GAMT: variants seen among roughly 807,000 people sequenced by gnomAD.
GAMT encodes the protein guanidinoacetate N-methyltransferase, also known as epididymis secretory protein Li 20.
A neutral mutation model predicts 26.9 loss-of-function variants in GAMT; 26 were observed. That is an observed-to-expected ratio of 0.97 (90% CI 0.71 to 1.34). GAMT has a LOEUF of 1.34. Among genes scored for constraint, GAMT ranks in the 40% most tolerant of loss-of-function variants. The pLI, the probability that GAMT is intolerant of heterozygous loss-of-function variation, is 0.00. For missense variants in GAMT, 412 were observed against 345.0 expected (o/e 1.19, Z -1.54); for synonymous variants, 169 against 149.6 (o/e 1.13, Z -0.95).
At chr19:1,398,636 G>T in intron 5 of GAMT, 2 of 988,776 alleles carry the variant, frequency 2.0e-6, no homozygotes, top group Non-Finnish European at 3.0e-6. Context: ...GAAAGATGAG[G>T]TCTTGCTCTG....
Position 1,399,767 on chromosome 19 carries a change from T to A in GAMT, c.327+26A>T. On this transcript the variant is annotated intron_variant, in intron 2 of 5. Coordinates refer to ENST00000252288, the MANE Select transcript of GAMT (RefSeq NM_000156.6). This position sits in a 1 kb window ranked among gnomAD's most constrained non-coding sequence, Gnocchi z 6.2. The stretch of plus-strand genomic sequence containing the variant: ...CCCTCACCCCAAGGAGTGGGGGTCC[T>A]GGAGGGCCTGCGGGCAGAGGGGCAC... The A allele has an allele frequency of 6.5e-7, 1 of 1,542,452 alleles. No homozygotes were observed. The highest frequency in any genetic ancestry group is 8.7e-7 in the Non-Finnish European group (1 of 1,143,886).
At chr19:1,400,059 G>C (rs1416989258) in intron 1 of GAMT, 121 bp from the exon 2 acceptor site, 1 of 1,216,824 alleles carries the variant, frequency 8.2e-7, no homozygotes, top group African/African-American at 1.5e-5. Context: ...CGCAGGGCTG[G>C]GCTGGGGGTC....
At position 1,401,444 on chromosome 19, in the gene GAMT, C is replaced by A. The variant is rs763777192; in HGVS notation, c.33G>T (p.Ala11=). 9 of 1,407,144 alleles carry A rather than the reference C, an allele frequency of 6.4e-6. No homozygotes were observed. Among genetic ancestry groups the A allele is most frequent in the Non-Finnish European group, 8.3e-6 (9 of 1,080,182 alleles). The allele number at this position is 1,407,144 out of a possible 1,614,324, so 87.2% of individuals were successfully genotyped here. A position where few individuals can be genotyped will look rare whatever the true frequency, so the allele number is the denominator to read the frequency against. Residue 11 remains alanine (A), a synonymous_variant, in exon 1 of 6, where the codon GCG becomes GCT. Transcript: ENST00000252288. MSAPSATPIF[A]PGENCSPAWG... Reference sequence around the variant, plus strand: ...ACGCGGGGCTGCAGTTCTCGCCGGGCGCGAAGATGGGGGTCGCGCTGGGGG... The same window carrying A: ...ACGCGGGGCTGCAGTTCTCGCCGGGAGCGAAGATGGGGGTCGCGCTGGGGG...
At chr19:1,400,037 T>G in intron 1 of GAMT, 99 bp from the exon 2 acceptor site, 1 of 1,333,150 alleles carries the variant, frequency 7.5e-7, no homozygotes, top group Non-Finnish European at 1.0e-6. Context: ...GGAGACTGCC[T>G]GGAGGAGGGG....
Position 1,397,054 on chromosome 19 carries a change from T to G in GAMT, c.*305A>C, listed in dbSNP as rs1600156743. On this transcript the variant is annotated 3_prime_UTR_variant, in exon 6 of 6. Transcript: ENST00000252288. ...CTGTGTCCATGGGATGGGCGGGAGG[T>G]GAGGGAGCAGCCGCTGGAAGTAACA... 16 of 365,288 alleles carry G rather than the reference T, an allele frequency of 4.4e-5. No homozygotes were observed. The highest frequency in any genetic ancestry group is 1.1e-4 in the South Asian group (3 of 26,634). The allele number at this position is 365,288 out of a possible 1,614,324, so 22.6% of individuals were successfully genotyped here. A position where few individuals can be genotyped will look rare whatever the true frequency, so the allele number is the denominator to read the frequency against.
rs771099195 is a variant in GAMT, at chr19:1,397,494, C to T, written c.576G>A (p.Thr192=). 51 of 1,603,870 alleles carry T rather than the reference C, an allele frequency of 3.2e-5. No homozygotes were observed. Among genetic ancestry groups the T allele is most frequent in the East Asian group, 2.2e-5 (1 of 44,892 alleles). Residue 192 remains threonine (T), a synonymous_variant, in exon 6 of 6, where the codon ACG becomes ACA. Coordinates refer to ENST00000252288, the MANE Select transcript of GAMT (RefSeq NM_000156.6). ...YSDITIMFEE[T]QVPALLEAGF... Reference sequence around the variant, plus strand: ...CGGCCTCCAGCAGCGCGGGCACCTGCGTCTCCTGGTCGGGGATGGCACCAG... The same window carrying T: ...CGGCCTCCAGCAGCGCGGGCACCTGTGTCTCCTGGTCGGGGATGGCACCAG...
intron 1 of GAMT, among the ~76,000 whole-genome samples, chr19:1,400,205 G>T (rs1338765439): frequency 1.4e-5 from 2 of 147,790 alleles, no homozygotes; most frequent in African/African-American, 5.1e-5. Context: ...GGGGATGCAG[G>T]GCTGGGGAGG....
rs1308730662 is a variant in GAMT, at chr19:1,399,022, T to A, written c.464A>T (p.His155Leu). The change falls in exon 5 of 6, where the codon CAC (histidine) becomes CTC (leucine). Residue 155 changes from histidine (H) to leucine (L), a missense_variant. Coordinates refer to ENST00000252288, the MANE Select transcript of GAMT (RefSeq NM_000156.6). The surrounding 1 kb of genome is among the most constrained non-coding windows in gnomAD (Gnocchi z 6.2). The stretch of plus-strand genomic sequence containing the variant: ...CCCCGGCTTCAGCAGGCGAAAGGCG[T>A]GGTTCTGTGGAAGGGGAGTGGCCAG... The part of the protein sequence containing the change: ...HTHQFNFIKN[H>L]AFRLLKPGGV... 1.5e-5 allele frequency: 25 copies of A among 1,613,284 alleles called. No homozygotes were observed. The highest frequency in any genetic ancestry group is 1.9e-5 in the Non-Finnish European group (23 of 1,179,974).
rs2082604501 is a variant in GAMT at position 1,397,189 on chromosome 19, G to T, written c.*170C>A. On this transcript the variant is annotated 3_prime_UTR_variant, in exon 6 of 6. Transcript: ENST00000252288. The stretch of plus-strand genomic sequence containing the variant: ...CACAGAGAAGCTGGGAAAGCTGCTG[G>T]TGACACACAGCTGGGATCAGCCCTG... 4.0e-6 allele frequency: 3 copies of T among 756,350 alleles called. No individual in the cohort carries two copies. Among genetic ancestry groups the T allele is most frequent in the African/African-American group, 1.7e-5 (1 of 57,388 alleles). 46.9% of individuals were successfully genotyped at this position (756,350 alleles called of 1,614,324 possible). A position where few individuals can be genotyped will look rare whatever the true frequency, so the allele number is the denominator to read the frequency against.
At chr19:1,398,575 A>C in intron 5 of GAMT, 1 of 662,130 alleles carries the variant, frequency 1.5e-6, no homozygotes, top group Non-Finnish European at 2.5e-6. Context: ...AGCTGGGAGT[A>C]CAGGCACACG....
Position 1,399,764 on chromosome 19 carries a change from T to C in GAMT, c.327+29A>G. 6.5e-7 allele frequency: 1 copy of C among 1,541,594 alleles called. No homozygotes were observed. The highest frequency in any genetic ancestry group is 2.0e-5 in the Admixed American group (1 of 50,942). On this transcript the variant is annotated intron_variant, in intron 2 of 5. Coordinates refer to ENST00000252288, the MANE Select transcript of GAMT (RefSeq NM_000156.6). This position sits in a 1 kb window ranked among gnomAD's most constrained non-coding sequence, Gnocchi z 6.2. ...GTGCCCTCACCCCAAGGAGTGGGGG[T>C]CCTGGAGGGCCTGCGGGCAGAGGGG...
Position 1,399,725 on chromosome 19 carries a change from A to G in GAMT, c.327+68T>C. ...CACCTCTGACAGCCCCAGGCCCCCA[A>G]CCCCCAGGAAGCAGTGCCCTCACCC... On this transcript the variant is annotated intron_variant, in intron 2 of 5. Transcript: ENST00000252288. The surrounding 1 kb of genome is among the most constrained non-coding windows in gnomAD (Gnocchi z 6.2). 2 of 1,529,656 alleles carry G rather than the reference A, an allele frequency of 1.3e-6. No individual in the cohort carries two copies. The highest frequency in any genetic ancestry group is 1.8e-6 in the Non-Finnish European group (2 of 1,138,366). The allele number at this position is 1,529,656 out of a possible 1,614,324, so 94.8% of individuals were successfully genotyped here.
chr19:1,399,081 G>C lies in GAMT; in HGVS notation c.459+47C>G. On this transcript the variant is annotated intron_variant, in intron 4 of 5. Coordinates refer to ENST00000252288, the MANE Select transcript of GAMT (RefSeq NM_000156.6). This position sits in a 1 kb window ranked among gnomAD's most constrained non-coding sequence, Gnocchi z 6.2. ...ACGGAGGTGGGGGTGTGGGCAGAGG[G>C]GCTTCCCCGAGGGCCTCCCGCATCC... 6.2e-6 allele frequency: 10 copies of C among 1,613,336 alleles called. No homozygotes were observed. Among genetic ancestry groups the C allele is most frequent in the Non-Finnish European group, 8.5e-6 (10 of 1,179,958 alleles).
intron 5 of GAMT, chr19:1,398,300 G>A (rs931781572): frequency 1.1e-5 from 2 of 181,500 alleles, no homozygotes; most frequent in Admixed American, 1.2e-4. Flanking sequence ...ATTCTGCCAT[G>A]TTGGCCAGGC....
chr19:1,397,641 C>A (rs1031366799), intron 5 of GAMT, 142 bp from the exon 6 acceptor site: 8 of 1,423,526 alleles, frequency 5.6e-6, no homozygotes, highest in African/African-American at 4.2e-5. Context: ...GGCAGGGCAG[C>A]CCTGGAAGCC....
At chr19:1,398,045 C>G (rs1276641412) in intron 5 of GAMT, 2 of 1,003,700 alleles carry the variant, frequency 2.0e-6, no homozygotes, top group Non-Finnish European at 2.4e-6. Flanking sequence ...CCACAGGGCA[C>G]TGGGGAGCCA....
intron 5 of GAMT, chr19:1,398,630 G>T: frequency 2.2e-6 from 2 of 911,678 alleles, no homozygotes; most frequent in Non-Finnish European, 3.2e-6. Context: ...TTTTAGGAAA[G>T]ATGAGGTCTT....
Position 1,397,355 on chromosome 19 carries a change from G to C in GAMT, c.*4C>G. 1 of 1,609,472 alleles carries C rather than the reference G, an allele frequency of 6.2e-7. No individual in the cohort carries two copies. On this transcript the variant is annotated 3_prime_UTR_variant, in exon 6 of 6. Transcript: ENST00000252288. ...CATGGGTGTGGCCGGGCCGGGGTGGGGGCTCAGCCTTTGGTCACCAGGGGC... is the reference window on the plus strand; with the variant it reads ...CATGGGTGTGGCCGGGCCGGGGTGGCGGCTCAGCCTTTGGTCACCAGGGGC...
intron 5 of GAMT, chr19:1,398,715 A>T (rs1233287281): frequency 6.5e-7 from 1 of 1,538,228 alleles, no homozygotes; most frequent in Non-Finnish European, 8.7e-7. Flanking sequence ...CAGTGCTGGG[A>T]TTATAGACCT....
Sources: gnomAD v4.1 joint callset for allele counts (sites outside exome capture counted in the v4.1 genomes callset) on GRCh38, gnomAD v4.1.1 for gene constraint, Gnocchi (gnomAD v3.1) non-coding constraint, MANE v1.5 for transcripts, NCBI Gene and HGNC (gene_info 2026-07-23, HGNC 2026-07-21) for gene names.